The following KANK3 variants were observed in gnomAD, a reference collection of about 807,000 sequenced individuals.
The protein encoded by KANK3 is KN motif and ankyrin repeat domains 3, also known as KN motif and ankyrin repeat domain-containing protein 3.
Under a neutral mutation model 65.4 loss-of-function variants are expected in KANK3, and 61 were observed. That is an observed-to-expected ratio of 0.93 (90% CI 0.76 to 1.15). KANK3 has a LOEUF of 1.15. Among genes scored for constraint, KANK3 ranks in the 50% most tolerant of loss-of-function variants. KANK3 has a pLI of 0.00. For synonymous variants in KANK3, 586 were observed against 543.3 expected (o/e 1.08, Z -1.09); for missense variants, 1,187 against 1,178.8 (o/e 1.01, Z -0.10).
At chr19:8,323,594 A>G (rs1970364862) in intron 10 of KANK3, 1 of 151,952 alleles carries the variant, frequency 6.6e-6, no homozygotes, top group Non-Finnish European at 1.5e-5. Flanking sequence ...TTAGCTGGGC[A>G]TGGTAGCACG....
chr19:8,337,787 A>T lies in KANK3; in HGVS notation c.34+8T>A. On this transcript the variant is annotated splice_region_variant and intron_variant, in intron 2 of 10. Transcript: ENST00000330915. Reference sequence around the variant, plus strand: ...CACACACACACATCTCTCTTTTTGCACACTCACCGGGCAGGTTCTGATTCA... The same window carrying T: ...CACACACACACATCTCTCTTTTTGCTCACTCACCGGGCAGGTTCTGATTCA... 6.2e-7 allele frequency: 1 copy of T among 1,612,838 alleles called. No individual in the cohort carries two copies. Among genetic ancestry groups the T allele is most frequent in the Non-Finnish European group, 8.5e-7 (1 of 1,179,976 alleles).
rs140536478 is a variant in KANK3, at chr19:8,331,285, C to T, written c.1936+1729G>A. Among the ~76,000 whole-genome samples, 120 of 152,226 alleles carry T rather than the reference C, an allele frequency of 7.9e-4. 1 individual carries two copies. The highest frequency in any genetic ancestry group is 3.7e-3 in the East Asian group (19 of 5,176). On this transcript the variant is annotated intron_variant, in intron 7 of 10. Coordinates refer to ENST00000330915, the MANE Select transcript of KANK3 (RefSeq NM_198471.3). ...GCCTGGGGCCTCTTGCAGTGACCAA[C>T]GACGCCTACTTCCTTGCCGCAGCCC...
At chr19:8,331,980 C>CTTTTT (rs1166441751) in intron 7 of KANK3, among the ~76,000 whole-genome samples, 1 of 67,892 alleles carries the variant, frequency 1.5e-5, no homozygotes, top group Non-Finnish European at 2.6e-5. Context: ...CAAAAGGCCT[C>CTTTTT]TTTTTTTTTT....
rs1405310125 is a variant in KANK3 at position 8,335,187 on chromosome 19, C to T, written c.640G>A (p.Val214Met). 1.6e-6 allele frequency: 2 copies of T among 1,216,096 alleles called. No homozygotes were observed. The highest frequency in any genetic ancestry group is 2.0e-6 in the Non-Finnish European group (2 of 978,554). The allele number at this position is 1,216,096 out of a possible 1,614,324, so 75.3% of individuals were successfully genotyped here. Residue 214 changes from valine (V) to methionine (M), a missense_variant, in exon 3 of 11, where the codon GTG (valine) becomes ATG (methionine). Coordinates refer to ENST00000330915, the MANE Select transcript of KANK3 (RefSeq NM_198471.3). ...GCCTTCTCGGCGCGCAGCGCGCGCACCTGCTCCTGCAGCTCGGGCAGCGTT... is the reference window on the plus strand; with the variant it reads ...GCCTTCTCGGCGCGCAGCGCGCGCATCTGCTCCTGCAGCTCGGGCAGCGTT... ...ARTLPELQEQ[V>M]RALRAEKARL...
rs1414549270 is a variant in KANK3, at chr19:8,333,192, C to A, written c.1758G>T (p.Val586=). 4.3e-6 allele frequency: 7 copies of A among 1,612,442 alleles called. No individual in the cohort carries two copies. The highest frequency in any genetic ancestry group is 5.9e-6 in the Non-Finnish European group (7 of 1,179,800). ...VRLVAQEWFR[V]SSQRRSQAEP... is the part of the protein sequence containing the mutation. The stretch of plus-strand genomic sequence containing the variant: ...CCGCCTGAGAGCGCCGCTGGCTGGA[C>A]ACTCGAAACCACTCCTGGGCCACGA... The change falls in exon 7 of 11, where the codon GTG becomes GTT. Residue 586 remains valine (V), a synonymous_variant. Coordinates refer to ENST00000330915, the MANE Select transcript of KANK3 (RefSeq NM_198471.3). The surrounding 1 kb of genome is among the most constrained non-coding windows in gnomAD (Gnocchi z 5.0).
Position 8,333,216 on chromosome 19 carries a change from G to C in KANK3, c.1734C>G (p.Leu578=), listed in dbSNP as rs768805076. 2 of 1,611,060 alleles carry C rather than the reference G, an allele frequency of 1.2e-6. No homozygotes were observed. Among genetic ancestry groups the C allele is most frequent in the Non-Finnish European group, 8.5e-7 (1 of 1,179,456 alleles). ...GVASDGGAVR[L]VAQEWFRVSS... ...ACACTCGAAACCACTCCTGGGCCACGAGGCGCACTGCGCCCTGCAAGGGAC... is the reference window on the plus strand; with the variant it reads ...ACACTCGAAACCACTCCTGGGCCACCAGGCGCACTGCGCCCTGCAAGGGAC... The change falls in exon 7 of 11, where the codon CTC becomes CTG. Residue 578 remains leucine, a synonymous_variant. Transcript: ENST00000330915. This position sits in a 1 kb window ranked among gnomAD's most constrained non-coding sequence, Gnocchi z 5.0.
chr19:8,334,225 G>T, intron 4 of KANK3, 95 bp downstream of exon 4: 13 of 1,550,618 alleles, frequency 8.4e-6, no homozygotes, highest in Non-Finnish European at 1.0e-5. Context: ...ACTGAGGATT[G>T]CCCAGACCAC....
In KANK3 at chr19:8,333,981, A is replaced by G; in HGVS notation, c.1563T>C (p.Pro521=). 6.4e-7 allele frequency: 1 copy of G among 1,566,890 alleles called. No individual in the cohort carries two copies. The highest frequency in any genetic ancestry group is 8.6e-7 in the Non-Finnish European group (1 of 1,161,866). ...GGGSDSGTPG[P]PSGGDIRDPE... ...GGTCCCGGATGTCCCCGCCGCTGGG[A>G]GGGCCAGGGGTGCCCGAGTCGGATC... Residue 521 remains proline, a synonymous_variant, in exon 5 of 11, where the codon CCT becomes CCC. Coordinates refer to ENST00000330915, the MANE Select transcript of KANK3 (RefSeq NM_198471.3). This position sits in a 1 kb window ranked among gnomAD's most constrained non-coding sequence, Gnocchi z 5.0.
intron 7 of KANK3, among the ~76,000 whole-genome samples, chr19:8,327,209 C>G (rs1970444168): frequency 6.6e-6 from 1 of 151,946 alleles, no homozygotes; most frequent in African/African-American, 2.4e-5. Flanking sequence ...CAAATGACAG[C>G]AAAAATGGAG....
chr19:8,325,928 G>A (rs1403287280), intron 7 of KANK3, among the ~76,000 whole-genome samples: 2 of 151,452 alleles, frequency 1.3e-5, no homozygotes, highest in African/African-American at 4.9e-5. Flanking sequence ...CCAGGTTTAA[G>A]CGATTCTTCT....
At chr19:8,331,764 G>A (rs1465452177) in intron 7 of KANK3, among the ~76,000 whole-genome samples, 1 of 152,090 alleles carries the variant, frequency 6.6e-6, no homozygotes, top group Non-Finnish European at 1.5e-5. Context: ...TGGAGATTCA[G>A]GGACAGAGCA....
Position 8,322,759 on chromosome 19 carries a change from A to G in KANK3, c.*80T>C. On this transcript the variant is annotated 3_prime_UTR_variant, in exon 11 of 11. Transcript: ENST00000330915. ...TTAGCCTCTGAGCAGGGGACCCTGG[A>G]CCCTTCTGTGCGCCAAAGGCTGAGG... The G allele has an allele frequency of 9.3e-7, 1 of 1,080,832 alleles. No individual in the cohort carries two copies. The highest frequency in any genetic ancestry group is 1.4e-6 in the Non-Finnish European group (1 of 721,256). 67.0% of individuals were successfully genotyped at this position (1,080,832 alleles called of 1,614,324 possible).
At position 8,324,820 on chromosome 19, in the gene KANK3, G is replaced by C. The variant is rs546388252; in HGVS notation, c.2093C>G (p.Thr698Arg). ...VNAKASQTGQ[T>R]ALMLAISHGR... ...ATGGCTGATGGCCAGCATGAGGGCT[G>C]TCTGCCCCGTCTGGGGAGTGGGGAG... The change falls in exon 9 of 11, where the codon ACA becomes AGA. Residue 698 changes from threonine (T) to arginine (R), a missense_variant. Around this residue, in one of 3 missense-constraint regions of KANK3, gnomAD observed 1,078 missense variants for 1,038.2 expected, o/e 1.04. Transcript: ENST00000330915. The C allele has an allele frequency of 1.2e-6, 2 of 1,611,106 alleles. No homozygotes were observed. Among genetic ancestry groups the C allele is most frequent in the African/African-American group, 1.3e-5 (1 of 75,038 alleles).
chr19:8,332,882 AAGG>A (rs1970551562), intron 7 of KANK3, 129 bp downstream of exon 7: 2 of 511,218 alleles, frequency 3.9e-6, no homozygotes, highest in South Asian at 7.9e-5. Flanking sequence ...AAATAAACTC[AAGG>A]AGGAGTGGTG....
Position 8,330,199 on chromosome 19 carries a change from C to T in KANK3, c.1936+2815G>A, listed in dbSNP as rs111305109. Among the ~76,000 whole-genome samples the T allele has an allele frequency of 3.3e-3, 505 of 152,292 alleles. 3 individuals are homozygous for T. Among genetic ancestry groups the T allele is most frequent in the African/African-American group, 0.011 (473 of 41,552 alleles). ...GGATTCCAGGGGATGAAAGAGGAAA[C>T]AGCCCCTGAATGCAGGGGCGTTAGT... On this transcript the variant is annotated intron_variant, in intron 7 of 10. Coordinates refer to ENST00000330915, the MANE Select transcript of KANK3 (RefSeq NM_198471.3).
In KANK3 at chr19:8,334,502, G is replaced by A. The variant is rs768987295; in HGVS notation, c.1325C>T (p.Ala442Val). 2.5e-6 allele frequency: 4 copies of A among 1,605,254 alleles called. No homozygotes were observed. The highest frequency in any genetic ancestry group is 3.4e-6 in the Non-Finnish European group (4 of 1,179,534). ...SMDGDRAVAP[A>V]GILKSIMKKR... is the part of the protein sequence containing the mutation. ...CCAGCGACGGGGTCGGGACTCACCC[G>A]CGGGCGCCACGGCCCTGTCTCCGTC... The change falls in exon 3 of 11, where the codon GCG becomes GTG. Residue 442 changes from alanine (A) to valine (V), a missense_variant and splice_region_variant. Ala to Val is a moderately conservative substitution (Grantham distance 64). Coordinates refer to ENST00000330915, the MANE Select transcript of KANK3 (RefSeq NM_198471.3).
chr19:8,324,650 C>T lies in KANK3; in HGVS notation c.2263G>A (p.Asp755Asn). 1 of 1,614,016 alleles carries T rather than the reference C, an allele frequency of 6.2e-7. No individual in the cohort carries two copies. Among genetic ancestry groups the T allele is most frequent in the Middle Eastern group, 1.7e-4 (1 of 6,058 alleles). ...CTTACATTGTCCAGGATGGCAGGGT[C>T]ACAGCCTGGCTGGGTGAGCAGCAGC... ...VRLLLTQPGC[D>N]PAILDNEGTS... Residue 755 changes from aspartate (D) to asparagine (N), a missense_variant, in exon 9 of 11, where the codon GAC (aspartate) becomes AAC (asparagine). Around this residue, in one of 3 missense-constraint regions of KANK3, gnomAD observed 1,078 missense variants for 1,038.2 expected, o/e 1.04. Transcript: ENST00000330915.
At position 8,335,497 on chromosome 19, in the gene KANK3, C is replaced by A; in HGVS notation, c.330G>T (p.Ala110=). 1 of 1,238,316 alleles carries A rather than the reference C, an allele frequency of 8.1e-7. No individual in the cohort carries two copies. Among genetic ancestry groups the A allele is most frequent in the South Asian group, 3.6e-5 (1 of 27,890 alleles). The allele number at this position is 1,238,316 out of a possible 1,614,324, so 76.7% of individuals were successfully genotyped here. A position where few individuals can be genotyped will look rare whatever the true frequency, so the allele number is the denominator to read the frequency against. ...GCGGCTGCATCAGGAGCCCCGAGGG[C>A]GCGCCCTGGGAGAGTATGCCCGGTG... ...GGAPGILSQG[A]PSGLLMQPLS... Residue 110 remains alanine, a synonymous_variant, in exon 3 of 11, where the codon GCG becomes GCT. Coordinates refer to ENST00000330915, the MANE Select transcript of KANK3 (RefSeq NM_198471.3).
Position 8,322,804 on chromosome 19 carries a change from C to A in KANK3, c.*35G>T. On this transcript the variant is annotated 3_prime_UTR_variant, in exon 11 of 11. Transcript: ENST00000330915. ...CTGAGGTGACTGACGAGGAGATCTC[C>A]CCACAGCTAGGTGTAGTGAGCCAGA... 6.6e-7 allele frequency: 1 copy of A among 1,511,454 alleles called. No homozygotes were observed. The highest frequency in any genetic ancestry group is 1.7e-5 in the Admixed American group (1 of 58,302). 93.6% of individuals were successfully genotyped at this position (1,511,454 alleles called of 1,614,324 possible). A position where few individuals can be genotyped will look rare whatever the true frequency, so the allele number is the denominator to read the frequency against.
Sources: gnomAD v4.1 joint callset for allele counts (sites outside exome capture counted in the v4.1 genomes callset) on GRCh38, gnomAD v4.1.1 for gene constraint, gnomAD v4.1.1 regional missense constraint, Gnocchi (gnomAD v3.1) non-coding constraint, MANE v1.5 for transcripts, NCBI Gene and HGNC (gene_info 2026-07-23, HGNC 2026-07-21) for gene names.